ZEB1: variants seen among roughly 807,000 people sequenced by gnomAD.
The protein encoded by ZEB1 is zinc finger E-box binding homeobox 1, also known as zinc finger E-box-binding homeobox 1.
Under a neutral mutation model 84.9 loss-of-function variants are expected in ZEB1, and 21 were observed. The observed-to-expected ratio is 0.25, with a 90% CI of 0.18 to 0.36. The LOEUF is 0.36. Among genes scored for constraint, ZEB1 ranks in the 10% least tolerant of loss-of-function variants. ZEB1 has a pLI of 1.00. For synonymous variants in ZEB1, 420 were observed against 471.1 expected (o/e 0.89, Z 1.41); for missense variants, 1,104 against 1,330.2 (o/e 0.83, Z 2.65).
At chr10:31,433,413 T>G (rs2057952819) in intron 1 of ZEB1, among the ~76,000 whole-genome samples, 1 of 152,184 alleles carries the variant, frequency 6.6e-6, no homozygotes, top group African/African-American at 2.4e-5. Context: ...TTTGGCCAAT[T>G]TGTCTTCCTT....
At chr10:31,499,753 G>T (rs534397657) in intron 3 of ZEB1, among the ~76,000 whole-genome samples, 1 of 151,222 alleles carries the variant, frequency 6.6e-6, no homozygotes, top group African/African-American at 2.4e-5. Context: ...CGACAAGAGC[G>T]AAACTCATTC....
rs1291815967 is a variant in ZEB1 at position 31,526,709 on chromosome 10, A to G, written c.2823A>G (p.Ala941=). The G allele has an allele frequency of 8.1e-6, 13 of 1,613,966 alleles. No homozygotes were observed. Among genetic ancestry groups the G allele is most frequent in the Non-Finnish European group, 1.1e-5 (13 of 1,180,012 alleles). The change falls in exon 9 of 9, where the codon GCA becomes GCG. Residue 941 remains alanine (A), a synonymous_variant. Coordinates refer to ENST00000424869, the MANE Select transcript of ZEB1 (RefSeq NM_001174096.2). ...ATGAGTGTGGAATCTGTAAAAAGGC[A>G]TTTAAACACAAACATCATTTGATTG... ...RPHECGICKK[A]FKHKHHLIEH...
chr10:31,520,907 G>A lies in ZEB1; in HGVS notation c.1575G>A (p.Gly525=). The A allele has an allele frequency of 1.9e-6, 3 of 1,614,110 alleles. No homozygotes were observed. Among genetic ancestry groups the A allele is most frequent in the South Asian group, 2.2e-5 (2 of 91,080 alleles). The change falls in exon 7 of 9, where the codon GGG becomes GGA. Residue 525 remains glycine, a synonymous_variant. Transcript: ENST00000424869. The surrounding 1 kb of genome is among the most constrained non-coding windows in gnomAD (Gnocchi z 5.1). ...CTGAGAAGGACAAAAGCTTTGAAGG[G>A]GGGGTGAATGATAGCACTTGTCTTC... ...VKSEKDKSFE[G]GVNDSTCLLC...
At chr10:31,502,589 C>T in intron 4 of ZEB1, 80 bp downstream of exon 4, 1 of 1,578,758 alleles carries the variant, frequency 6.3e-7, no homozygotes, top group Non-Finnish European at 8.7e-7. Flanking sequence ...GGAACCTGCT[C>T]TACTATAGGG....
intron 1 of ZEB1, among the ~76,000 whole-genome samples, chr10:31,381,273 T>C (rs1448103426): frequency 6.6e-6 from 1 of 152,176 alleles, no homozygotes; most frequent in Admixed American, 6.5e-5. Flanking sequence ...AAATGATTTA[T>C]TAAATAATAA....
intron 1 of ZEB1, chr10:31,321,688 C>G: frequency 1.9e-6 from 2 of 1,059,362 alleles, no homozygotes; most frequent in Non-Finnish European, 2.9e-6. Context: ...TTTACCTGAA[C>G]AGGAAAGAAT....
At chr10:31,334,149 G>A (rs1399438206) in intron 1 of ZEB1, among the ~76,000 whole-genome samples, 2 of 152,078 alleles carry the variant, frequency 1.3e-5, no homozygotes, top group East Asian at 3.9e-4. Context: ...GAAAAATATA[G>A]ATGATTTTAA....
intron 1 of ZEB1, among the ~76,000 whole-genome samples, chr10:31,347,673 AATAGCGTCTCCCCTTATTATTGGAC>A (rs1160457859): frequency 6.6e-6 from 1 of 152,236 alleles, no homozygotes; most frequent in African/African-American, 2.4e-5. Context: ...TTATAGTGGA[AATAGCGTCTCCCCTTATTATTGGAC>A]ATTTTGAAAA....
At chr10:31,479,302 C>A (rs1051203191) in intron 2 of ZEB1, among the ~76,000 whole-genome samples, 1 of 151,860 alleles carries the variant, frequency 6.6e-6, no homozygotes, top group African/African-American at 2.4e-5. Context: ...TTGTACTAAT[C>A]ATTTAAGGAA....
At chr10:31,473,897 A>G (rs1194652789) in intron 2 of ZEB1, among the ~76,000 whole-genome samples, 2 of 151,290 alleles carry the variant, frequency 1.3e-5, no homozygotes, top group Admixed American at 6.6e-5. Flanking sequence ...GCCCTCAGAA[A>G]TAACGCCGCA....
intron 1 of ZEB1, among the ~76,000 whole-genome samples, chr10:31,393,198 A>G (rs1192062383): frequency 6.6e-6 from 1 of 152,204 alleles, no homozygotes; most frequent in Non-Finnish European, 1.5e-5. Context: ...AATTTATAGT[A>G]TAAAGCTCAT....
chr10:31,444,742 C>G (rs1242179126), intron 1 of ZEB1, among the ~76,000 whole-genome samples: 1 of 151,890 alleles, frequency 6.6e-6, no homozygotes, highest in East Asian at 1.9e-4. Flanking sequence ...GGCGTTATTT[C>G]TGAGGGCTCT....
chr10:31,496,088 T>A (rs1326751080), intron 3 of ZEB1, among the ~76,000 whole-genome samples: 1 of 152,104 alleles, frequency 6.6e-6, no homozygotes, highest in East Asian at 1.9e-4. Context: ...AAGTATAACC[T>A]ACAGATAATC....
intron 1 of ZEB1, among the ~76,000 whole-genome samples, chr10:31,350,621 A>C (rs538850132): frequency 6.6e-6 from 1 of 152,296 alleles, no homozygotes; most frequent in South Asian, 2.1e-4. Flanking sequence ...TAATAATTTA[A>C]GGTTTCATGA....
At chr10:31,339,337 G>A (rs1393511356) in intron 1 of ZEB1, among the ~76,000 whole-genome samples, 1 of 152,146 alleles carries the variant, frequency 6.6e-6, no homozygotes, top group Non-Finnish European at 1.5e-5. Context: ...GGTTTATATG[G>A]CCTAAATTCA....
chr10:31,514,336 T>C (rs1275511265), intron 5 of ZEB1, among the ~76,000 whole-genome samples: 1 of 152,178 alleles, frequency 6.6e-6, no homozygotes, highest in East Asian at 1.9e-4. Flanking sequence ...TCTGATACTT[T>C]AGAAAGTTGG....
intron 3 of ZEB1, 29 bp downstream of exon 3, chr10:31,495,867 A>G (rs371300177): frequency 1.9e-6 from 3 of 1,611,812 alleles, no homozygotes; most frequent in Non-Finnish European, 2.5e-6. Context: ...CTTTCATACC[A>G]TAGCCTTTAA....
At chr10:31,453,631 C>A (rs1187516362) in intron 1 of ZEB1, among the ~76,000 whole-genome samples, 1 of 152,102 alleles carries the variant, frequency 6.6e-6, no homozygotes, top group East Asian at 1.9e-4. Context: ...GATTTATTGA[C>A]CTCGCAAATA....
At chr10:31,413,084 G>GA (rs2054596949) in intron 1 of ZEB1, among the ~76,000 whole-genome samples, 1 of 152,012 alleles carries the variant, frequency 6.6e-6, no homozygotes, top group African/African-American at 2.4e-5. Context: ...AGGTTATATG[G>GA]AAAATCAGCA....
Sources: allele counts gnomAD v4.1 joint callset (sites outside exome capture counted in the v4.1 genomes callset), GRCh38; gene constraint gnomAD v4.1.1; non-coding constraint Gnocchi (gnomAD v3.1); transcripts MANE v1.5; gene names NCBI Gene and HGNC (gene_info 2026-07-23, HGNC 2026-07-21).